Variants in PCCA observed in about 807,000 individuals in gnomAD.
The protein encoded by PCCA is propionyl-CoA carboxylase subunit alpha.
Under a neutral mutation model 101.3 loss-of-function variants are expected in PCCA, and 74 were observed. That is an observed-to-expected ratio of 0.73 (90% confidence interval 0.61 to 0.89). The LOEUF (loss-of-function observed/expected upper bound fraction) is 0.89, where lower values mean the gene tolerates loss of function less well. PCCA is among the 40% of genes least tolerant of loss of function. The pLI is 0.00. For synonymous variants in PCCA, 294 were observed against 313.6 expected (o/e 0.94, Z 0.66); for missense variants, 891 against 907.0 (o/e 0.98, Z 0.23).
At chr13:100,524,559 CTTAG>C (rs1024804576) in intron 22 of PCCA, among the ~76,000 whole-genome samples, 7 of 152,134 alleles carry the variant, frequency 4.6e-5, no homozygotes, top group Non-Finnish European at 7.4e-5. Context: ...AAGTGTGCTA[CTTAG>C]TTTTTCATTT....
chr13:100,239,080 A>G (rs975061707), intron 8 of PCCA, among the ~76,000 whole-genome samples: 1 of 152,218 alleles, frequency 6.6e-6, no homozygotes, highest in African/African-American at 2.4e-5. Context: ...AACTCACTGT[A>G]TTGAGCATTG....
At chr13:100,213,179 G>A (rs1231465197) in intron 7 of PCCA, among the ~76,000 whole-genome samples, 1 of 152,152 alleles carries the variant, frequency 6.6e-6, no homozygotes, top group African/African-American at 2.4e-5. Flanking sequence ...GGCTATTGTG[G>A]ATAGTGTTGT....
chr13:100,412,954 A>G (rs1399176904), intron 19 of PCCA, among the ~76,000 whole-genome samples: 1 of 152,260 alleles, frequency 6.6e-6, no homozygotes, highest in Non-Finnish European at 1.5e-5. Context: ...ATAGAAACAT[A>G]AAACTATTAA....
At chr13:100,302,671 A>G (rs1360081390) in intron 13 of PCCA, among the ~76,000 whole-genome samples, 1 of 152,158 alleles carries the variant, frequency 6.6e-6, no homozygotes, top group Non-Finnish European at 1.5e-5. Context: ...AGTTTTATAA[A>G]ATGTTGGAAT....
At chr13:100,517,945 T>C (rs1438011750) in intron 22 of PCCA, among the ~76,000 whole-genome samples, 1 of 152,180 alleles carries the variant, frequency 6.6e-6, no homozygotes, top group Non-Finnish European at 1.5e-5. Flanking sequence ...CTTGAGGCCA[T>C]TGTGAGGAAA....
At position 100,204,132 on chromosome 13, in the gene PCCA, C is replaced by CT. The variant is rs781004968; in HGVS notation, c.469-5186dup. On this transcript the variant is annotated intron_variant, in intron 6 of 23. Transcript: ENST00000376285. The stretch of plus-strand genomic sequence containing the variant: ...GGACAGTTCAGCTGTTTTTCCGTGG[C>CT]TTTTTTTTTTTTTTCGAGACAGGGT... 9.4e-3 allele frequency among the ~76,000 whole-genome samples: 1,307 copies of CT among 138,574 alleles called. 14 individuals carry two copies. The highest frequency in any genetic ancestry group is 0.028 in the African/African-American group (1,056 of 38,076). 90.9% of individuals were successfully genotyped at this position (138,574 alleles called of 152,430 possible). A position where few individuals can be genotyped will look rare whatever the true frequency, so the allele number is the denominator to read the frequency against.
intron 8 of PCCA, among the ~76,000 whole-genome samples, chr13:100,238,253 G>T (rs986626795): frequency 6.6e-6 from 1 of 151,852 alleles, no homozygotes; most frequent in Admixed American, 6.6e-5. Context: ...TTCCACTTTC[G>T]TTATAACCTG....
At chr13:100,290,955 T>A (rs1219425894) in intron 12 of PCCA, among the ~76,000 whole-genome samples, 1 of 152,216 alleles carries the variant, frequency 6.6e-6, no homozygotes, top group Non-Finnish European at 1.5e-5. Flanking sequence ...TACCTACTAG[T>A]TCTGCATCTG....
In PCCA at chr13:100,394,797, A is replaced by C. The variant is rs1372041843; in HGVS notation, c.1746+26223A>C. Among the ~76,000 whole-genome samples, 4 of 152,220 alleles carry C rather than the reference A, an allele frequency of 2.6e-5. No individual in the cohort carries two copies. The highest frequency in any genetic ancestry group is 9.7e-5 in the African/African-American group (4 of 41,450). Reference sequence around the variant, plus strand: ...TATGTCCTACTACTAATATTTTTTAAATTATCCCTAAACCTTCACATTTCA... The same window carrying C: ...TATGTCCTACTACTAATATTTTTTACATTATCCCTAAACCTTCACATTTCA... On this transcript the variant is annotated intron_variant, in intron 19 of 23. Transcript: ENST00000376285. The surrounding 1 kb of genome is among the most constrained non-coding windows in gnomAD (Gnocchi z 4.3).
intron 9 of PCCA, among the ~76,000 whole-genome samples, chr13:100,262,359 A>T (rs962304841): frequency 6.6e-6 from 1 of 151,574 alleles, no homozygotes; most frequent in African/African-American, 2.4e-5. Flanking sequence ...CTGCCACTGC[A>T]CTCCAGCCTG....
intron 7 of PCCA, among the ~76,000 whole-genome samples, chr13:100,231,685 A>G (rs758031065): frequency 3.3e-5 from 5 of 152,294 alleles, no homozygotes; most frequent in Admixed American, 6.5e-5. Context: ...AGAGCATACA[A>G]TTTTAATTTC....
chr13:100,314,282 G>C (rs1355425802), intron 16 of PCCA, among the ~76,000 whole-genome samples: 3 of 152,120 alleles, frequency 2.0e-5, no homozygotes, highest in Non-Finnish European at 2.9e-5. Flanking sequence ...TGTTAGGAAG[G>C]GGTGCAGAGC....
At chr13:100,226,088 G>T (rs1398930413) in intron 7 of PCCA, among the ~76,000 whole-genome samples, 1 of 152,180 alleles carries the variant, frequency 6.6e-6, no homozygotes, top group Admixed American at 6.5e-5. Context: ...ACTGTGCCCG[G>T]CCGAAAGATT....
At chr13:100,372,333 C>T (rs1455665571) in intron 19 of PCCA, among the ~76,000 whole-genome samples, 1 of 151,264 alleles carries the variant, frequency 6.6e-6, no homozygotes, top group African/African-American at 2.4e-5. Flanking sequence ...TTCTAGGTGA[C>T]AGAGTGAGAC....
intron 6 of PCCA, among the ~76,000 whole-genome samples, chr13:100,192,780 A>G (rs2152451725): frequency 6.6e-6 from 1 of 152,322 alleles, no homozygotes; most frequent in East Asian, 1.9e-4. Flanking sequence ...CTACTTTTCC[A>G]AATCCTAATT....
chr13:100,203,324 G>C (rs1301154597), intron 6 of PCCA, among the ~76,000 whole-genome samples: 2 of 151,784 alleles, frequency 1.3e-5, no homozygotes, highest in African/African-American at 4.8e-5. Context: ...TATTGTATTG[G>C]TATGTTTTTC....
At chr13:100,318,726 T>C (rs2067665647) in intron 16 of PCCA, among the ~76,000 whole-genome samples, 2 of 152,176 alleles carry the variant, frequency 1.3e-5, no homozygotes. Flanking sequence ...TAATCCAGTC[T>C]ATCATTGATG....
chr13:100,289,556 A>C (rs529447851), intron 12 of PCCA, among the ~76,000 whole-genome samples: 1 of 151,360 alleles, frequency 6.6e-6, no homozygotes, highest in Non-Finnish European at 1.5e-5. Context: ...ATATTTAAAA[A>C]TTTTTTTTCT....
intron 19 of PCCA, among the ~76,000 whole-genome samples, chr13:100,411,262 G>C (rs1356587266): frequency 7.0e-6 from 1 of 142,766 alleles, no homozygotes; most frequent in Non-Finnish European, 1.5e-5. Flanking sequence ...GTCTTGCTCT[G>C]TTGCCCAGGC....
Sources: allele counts gnomAD v4.1 joint callset (sites outside exome capture counted in the v4.1 genomes callset), GRCh38; gene constraint gnomAD v4.1.1; non-coding constraint Gnocchi (gnomAD v3.1); transcripts MANE v1.5; gene names NCBI Gene and HGNC (gene_info 2026-07-23, HGNC 2026-07-21).